The following TMEM163 variants were observed in gnomAD, a reference collection of about 807,000 sequenced individuals.
TMEM163 encodes transmembrane protein 163.
TMEM163 carries 17 observed loss-of-function variants against 29.3 expected under a neutral mutation model. The ratio of observed to expected loss-of-function variants is 0.58; its 90% confidence interval spans 0.40 to 0.87. The LOEUF is 0.87. TMEM163 is among the 40% of genes least tolerant of loss of function. The probability of loss-of-function intolerance (pLI) is 0.00; values close to 1 mark genes in which losing one functional copy is unlikely to be tolerated. For synonymous variants in TMEM163, 157 were observed against 160.6 expected (o/e 0.98, Z 0.17); for missense variants, 303 against 381.5 (o/e 0.79, Z 1.71).
intron 2 of TMEM163, among the ~76,000 whole-genome samples, chr2:134,633,995 ATATATATATATATATATATAT>A (rs1683042529): frequency 4.5e-5 from 2 of 44,214 alleles, no homozygotes; most frequent in East Asian, 3.7e-4. Context: ...ATATATATAT[ATATATATATATATATATATAT>A]ATATAATAGG....
At chr2:134,662,887 G>A (rs1334083138) in intron 2 of TMEM163, among the ~76,000 whole-genome samples, 3 of 152,126 alleles carry the variant, frequency 2.0e-5, no homozygotes. Flanking sequence ...CTGTTTCTCT[G>A]GGAACCAAGC....
At chr2:134,569,128 A>G (rs1681365744) in intron 2 of TMEM163, among the ~76,000 whole-genome samples, 1 of 152,230 alleles carries the variant, frequency 6.6e-6, no homozygotes, top group African/African-American at 2.4e-5. Flanking sequence ...AAAATGAATC[A>G]GTGTTGATGC....
chr2:134,552,651 T>G (rs1680956437), intron 2 of TMEM163, among the ~76,000 whole-genome samples: 1 of 151,018 alleles, frequency 6.6e-6, no homozygotes, highest in Non-Finnish European at 1.5e-5. Flanking sequence ...CGACATATTT[T>G]GATCCTTTTT....
At position 134,597,024 on chromosome 2, in the gene TMEM163, G is replaced by A. The variant is rs563224588; in HGVS notation, c.323-44933C>T. On this transcript the variant is annotated intron_variant, in intron 2 of 7. Transcript: ENST00000281924. ...TAAGGAGATTTTGGGCTGAGACGACGGGGTTTTCTAGATATACAATCATGT... is the reference window on the plus strand; with the variant it reads ...TAAGGAGATTTTGGGCTGAGACGACAGGGTTTTCTAGATATACAATCATGT... Among the ~76,000 whole-genome samples the A allele has an allele frequency of 3.0e-3, 455 of 152,190 alleles. 4 individuals are homozygous for A. Among genetic ancestry groups the A allele is most frequent in the African/African-American group, 0.01 (418 of 41,548 alleles).
chr2:134,616,796 C>T (rs1188332353), intron 2 of TMEM163, among the ~76,000 whole-genome samples: 1 of 151,986 alleles, frequency 6.6e-6, no homozygotes, highest in Non-Finnish European at 1.5e-5. Flanking sequence ...ACAAGACTTC[C>T]CTGTATATCT....
intron 2 of TMEM163, among the ~76,000 whole-genome samples, chr2:134,583,697 C>T (rs755057240): frequency 3.3e-5 from 5 of 152,180 alleles, no homozygotes; most frequent in Non-Finnish European, 7.4e-5. Context: ...CTAGCACTCA[C>T]GCACCATCAC....
At chr2:134,515,022 A>G (rs1680028160) in intron 4 of TMEM163, among the ~76,000 whole-genome samples, 1 of 152,252 alleles carries the variant, frequency 6.6e-6, no homozygotes, top group African/African-American at 2.4e-5. Context: ...GGGTGCTGCT[A>G]TTGCAGCAAA....
intron 4 of TMEM163, among the ~76,000 whole-genome samples, chr2:134,516,756 TAGATATATATGTGCATATCTATTC>T (rs371332999): frequency 1.9e-5 from 2 of 106,598 alleles, no homozygotes; most frequent in African/African-American, 4.8e-5. Flanking sequence ...TATATATGAA[TAGATATATATGTGCATATCTATTC>T]ATATATATAT....
intron 2 of TMEM163, among the ~76,000 whole-genome samples, chr2:134,647,943 TGTGTTACA>T (rs1392600002): frequency 6.6e-6 from 1 of 152,170 alleles, no homozygotes; most frequent in East Asian, 1.9e-4. Flanking sequence ...CCCCAGAAAG[TGTGTTACA>T]GTCAGTGCTC....
intron 6 of TMEM163, among the ~76,000 whole-genome samples, chr2:134,463,464 G>C (rs1686596350): frequency 6.6e-6 from 1 of 152,216 alleles, no homozygotes; most frequent in Admixed American, 6.5e-5. Flanking sequence ...CCCCAGACAA[G>C]GAAGGCCATG....
intron 2 of TMEM163, among the ~76,000 whole-genome samples, chr2:134,643,202 TAAC>T (rs1465505439): frequency 6.6e-6 from 1 of 152,062 alleles, no homozygotes; most frequent in Non-Finnish European, 1.5e-5. Context: ...ATAAGTAATA[TAAC>T]AACAACTTTA....
intron 4 of TMEM163, among the ~76,000 whole-genome samples, chr2:134,546,614 A>T (rs1239851887): frequency 6.6e-6 from 1 of 150,904 alleles, no homozygotes. Flanking sequence ...ACTGCACTCC[A>T]GCCTGGGTGA....
intron 2 of TMEM163, among the ~76,000 whole-genome samples, chr2:134,618,888 A>G (rs1470074621): frequency 2.0e-5 from 3 of 152,208 alleles, no homozygotes; most frequent in East Asian, 1.9e-4. Flanking sequence ...CAATGCTTAC[A>G]TTAGAAAAGA....
At chr2:134,575,666 C>T (rs908567555) in intron 2 of TMEM163, among the ~76,000 whole-genome samples, 1 of 152,160 alleles carries the variant, frequency 6.6e-6, no homozygotes, top group Non-Finnish European at 1.5e-5. Flanking sequence ...GGGTCCTTAG[C>T]TTTAGCTCCC....
chr2:134,492,073 C>G (rs1679443010), intron 5 of TMEM163, among the ~76,000 whole-genome samples: 2 of 152,232 alleles, frequency 1.3e-5, no homozygotes. Flanking sequence ...AAAGGCTCCT[C>G]TTGCTATCTG....
intron 4 of TMEM163, among the ~76,000 whole-genome samples, chr2:134,528,517 G>T (rs1680343468): frequency 6.6e-6 from 1 of 152,158 alleles, no homozygotes; most frequent in African/African-American, 2.4e-5. Context: ...AGAAAAGTTA[G>T]GGTATGGTGA....
chr2:134,568,544 A>G (rs1223516691), intron 2 of TMEM163, among the ~76,000 whole-genome samples: 1 of 151,664 alleles, frequency 6.6e-6, no homozygotes, highest in African/African-American at 2.4e-5. Flanking sequence ...GAAAAGAAAG[A>G]GAAAGAAAAA....
intron 2 of TMEM163, among the ~76,000 whole-genome samples, chr2:134,666,336 C>T (rs1683873106): frequency 1.3e-5 from 2 of 152,230 alleles, no homozygotes; most frequent in Admixed American, 1.3e-4. Context: ...ACACTGGGCC[C>T]CTGCCCATCC....
chr2:134,525,630 T>A (rs1216681185), intron 4 of TMEM163, among the ~76,000 whole-genome samples: 13 of 152,128 alleles, frequency 8.5e-5, no homozygotes, highest in African/African-American at 2.9e-4. Context: ...AGGGGACAAG[T>A]TTACTATAGT....
Sources: gnomAD v4.1 joint callset for allele counts (sites outside exome capture counted in the v4.1 genomes callset) on GRCh38, gnomAD v4.1.1 for gene constraint, MANE v1.5 for transcripts, NCBI Gene and HGNC (gene_info 2026-07-23, HGNC 2026-07-21) for gene names.